Variants in TTLL4 observed in about 807,000 individuals in gnomAD.
The protein encoded by TTLL4 is tubulin monoglutamylase TTLL4.
A neutral mutation model predicts 122.7 loss-of-function variants in TTLL4; 85 were observed. The ratio of observed to expected loss-of-function variants is 0.69; its 90% CI spans 0.58 to 0.83. TTLL4 has a LOEUF of 0.83. Ranked by LOEUF, TTLL4 falls within the 40% of genes least tolerant of loss-of-function variation. TTLL4 has a pLI of 0.00. For synonymous variants in TTLL4, 553 were observed against 563.0 expected, an observed-to-expected ratio of 0.98 and a Z score of 0.25; for missense variants, 1,363 against 1,488.6, an observed-to-expected ratio of 0.92 and a Z score of 1.39.
chr2:218,737,366 A>G (rs570482033), intron 2 of TTLL4, among the ~76,000 whole-genome samples: 21 of 152,274 alleles, frequency 1.4e-4, no homozygotes, highest in African/African-American at 5.1e-4. Context: ...TTTAGTCCGT[A>G]ATGAAGCCAG....
At chr2:218,721,641 A>T (rs371206382) in intron 1 of TTLL4, among the ~76,000 whole-genome samples, 2 of 152,270 alleles carry the variant, frequency 1.3e-5, no homozygotes, top group Non-Finnish European at 1.5e-5. Context: ...AGGGAGTGAA[A>T]AAAGTTTTTT....
chr2:218,746,450 T>C, intron 8 of TTLL4: 1 of 543,750 alleles, frequency 1.8e-6, no homozygotes, highest in Non-Finnish European at 3.3e-6. Flanking sequence ...GTTTCTTGCC[T>C]ATGTAGGGGG....
intron 1 of TTLL4, among the ~76,000 whole-genome samples, chr2:218,724,047 A>G (rs1942118079): frequency 6.6e-6 from 1 of 152,198 alleles, no homozygotes; most frequent in Non-Finnish European, 1.5e-5. Context: ...AAGGGGTATC[A>G]TGTCTGCAAC....
At chr2:218,720,140 T>G (rs1941989125) in intron 1 of TTLL4, among the ~76,000 whole-genome samples, 1 of 152,090 alleles carries the variant, frequency 6.6e-6, no homozygotes, top group Non-Finnish European at 1.5e-5. Flanking sequence ...TTGAAGTGGT[T>G]GGACATGCAT....
At chr2:218,734,758 G>A (rs7560147) in intron 2 of TTLL4, among the ~76,000 whole-genome samples, 5,397 of 152,192 alleles carry the variant, frequency 0.035, 309 homozygotes, top group African/African-American at 0.12. Context: ...GTGGCTTCCC[G>A]AAAGAGGATT....
At chr2:218,717,814 T>C (rs1941909684) in intron 1 of TTLL4, among the ~76,000 whole-genome samples, 1 of 152,032 alleles carries the variant, frequency 6.6e-6, no homozygotes. Context: ...TTTTTTTTTT[T>C]TGGAGACAGA....
intron 1 of TTLL4, among the ~76,000 whole-genome samples, chr2:218,713,879 G>A (rs1941784008): frequency 6.6e-6 from 1 of 152,142 alleles, no homozygotes; most frequent in Non-Finnish European, 1.5e-5. Flanking sequence ...GTTAACCATG[G>A]TAGTGTTGAC....
chr2:218,717,143 T>G (rs572994767), intron 1 of TTLL4, among the ~76,000 whole-genome samples: 1 of 152,102 alleles, frequency 6.6e-6, no homozygotes, highest in African/African-American at 2.4e-5. Flanking sequence ...ATTTTTTTTT[T>G]GTAGAGACAA....
chr2:218,738,772 C>A lies in TTLL4; in HGVS notation c.1096C>A (p.Pro366Thr). 6.2e-7 allele frequency: 1 copy of A among 1,614,116 alleles called. No individual in the cohort carries two copies. Among genetic ancestry groups the A allele is most frequent in the South Asian group, 1.1e-5 (1 of 91,070 alleles). Residue 366 changes from proline to threonine, a missense_variant, in exon 3 of 20, where the codon CCC becomes ACC. Physicochemically the swap from Pro to Thr is conservative, Grantham distance 38 (BLOSUM62 -1). Transcript: ENST00000392102. ...GCTTGAACAGTCTAGTTTCCTGAAC[C>A]CCAGCTTCCAGTGGAATGTCCTCAA... The part of the protein sequence containing the change: ...CQLEQSSFLN[P>T]SFQWNVLNRS...
Position 218,745,713 on chromosome 2 carries a change from G to A in TTLL4, c.1809G>A (p.Gln603=), listed in dbSNP as rs1357134063. 1 of 1,612,328 alleles carries A rather than the reference G, an allele frequency of 6.2e-7. No homozygotes were observed. Among genetic ancestry groups the A allele is most frequent in the Non-Finnish European group, 8.5e-7 (1 of 1,179,352 alleles). ...CAGTGGAGAAACTTCCCTGGGAACA[G>A]AGGAAGTTGCTCCGATGGAAGATGA... ...DERVEKLPWE[Q]RKLLRWKMST... The change falls in exon 7 of 20, where the codon CAG becomes CAA. Residue 603 remains glutamine, a synonymous_variant. Coordinates refer to ENST00000392102, the MANE Select transcript of TTLL4 (RefSeq NM_014640.5).
At chr2:218,713,200 C>T (rs1360509090) in intron 1 of TTLL4, among the ~76,000 whole-genome samples, 4 of 152,034 alleles carry the variant, frequency 2.6e-5, no homozygotes, top group Admixed American at 6.5e-5. Context: ...GGCAACATGG[C>T]GAAACCTCTT....
chr2:218,720,674 C>CA (rs369308487), intron 1 of TTLL4, among the ~76,000 whole-genome samples: 2,282 of 72,260 alleles, frequency 0.032, 38 homozygotes, highest in African/African-American at 0.077. Context: ...ACTCCGGTCT[C>CA]AAAAAAAAAA....
chr2:218,756,550 A>T (rs75707153), downstream of TTLL4, among the ~76,000 whole-genome samples: 3 of 152,276 alleles, frequency 2.0e-5, no homozygotes, highest in Non-Finnish European at 4.4e-5. Flanking sequence ...TTTACCTCTC[A>T]CTCTTGAGAG....
chr2:218,718,550 G>T (rs1030947887), intron 1 of TTLL4, among the ~76,000 whole-genome samples: 3 of 151,982 alleles, frequency 2.0e-5, no homozygotes, highest in Admixed American at 2.0e-4. Context: ...GGCTAGTTTT[G>T]TATTTTTAGT....
chr2:218,747,622 A>G lies in TTLL4; in HGVS notation c.2275A>G (p.Ser759Gly). The G allele has an allele frequency of 6.2e-7, 1 of 1,614,208 alleles. No individual in the cohort carries two copies. The highest frequency in any genetic ancestry group is 8.5e-7 in the Non-Finnish European group (1 of 1,180,044). ...GTATCTACACAAACCCTACCTCATC[A>G]GCGGCAGCAAGTTTGACCTGCGGAT... Reference protein sequence around the residue: ...QRYLHKPYLISGSKFDLRIYV... With the variant: ...QRYLHKPYLIGGSKFDLRIYV... The change falls in exon 11 of 20, where the codon AGC (serine) becomes GGC (glycine). Residue 759 changes from serine to glycine, a missense_variant. Coordinates refer to ENST00000392102, the MANE Select transcript of TTLL4 (RefSeq NM_014640.5). This position sits in a 1 kb window ranked among gnomAD's most constrained non-coding sequence, Gnocchi z 4.7.
At chr2:218,746,911 T>C in intron 8 of TTLL4, 92 bp from the exon 9 acceptor site, 4 of 1,416,066 alleles carry the variant, frequency 2.8e-6, no homozygotes, top group East Asian at 2.3e-5. Flanking sequence ...GGAGTGCTGC[T>C]AAAGAAGTTG....
At chr2:218,751,667 AC>A in intron 15 of TTLL4, 36 bp from the exon 16 acceptor site, 1 of 1,605,672 alleles carries the variant, frequency 6.2e-7, no homozygotes, top group East Asian at 2.2e-5. Context: ...GAAGCTGCTG[AC>A]CCTGCCCTTT....
At chr2:218,722,954 G>T (rs535317549) in intron 1 of TTLL4, among the ~76,000 whole-genome samples, 5 of 152,322 alleles carry the variant, frequency 3.3e-5, no homozygotes, top group African/African-American at 1.2e-4. Context: ...TTGTATGGAG[G>T]CCTGTCCAGG....
intron 8 of TTLL4, 22 bp downstream of exon 8, chr2:218,746,253 C>T: frequency 6.2e-7 from 1 of 1,612,802 alleles, no homozygotes; most frequent in East Asian, 2.2e-5. Flanking sequence ...TTCTGAGGAG[C>T]TGTTTCCCTG....
Sources: gnomAD v4.1 joint callset for allele counts (sites outside exome capture counted in the v4.1 genomes callset) on GRCh38, gnomAD v4.1.1 for gene constraint, Gnocchi (gnomAD v3.1) non-coding constraint, MANE v1.5 for transcripts, NCBI Gene and HGNC (gene_info 2026-07-23, HGNC 2026-07-21) for gene names.